Variants in ATXN7L1 observed in about 807,000 individuals in gnomAD.
ATXN7L1 encodes the protein ataxin-7-like protein 1.
A neutral mutation model predicts 70.8 loss-of-function variants in ATXN7L1; 15 were observed. The observed-to-expected ratio is 0.21, with a 90% confidence interval of 0.14 to 0.33. The LOEUF (loss-of-function observed/expected upper bound fraction) is 0.33, where lower values mean the gene tolerates loss of function less well. Ranked by LOEUF, ATXN7L1 falls within the 10% of genes least tolerant of loss-of-function variation. The pLI, the probability that ATXN7L1 is intolerant of heterozygous loss-of-function variation, is 1.00. For synonymous variants in ATXN7L1, 440 were observed against 445.1 expected (o/e 0.99, Z 0.14); for missense variants, 975 against 1,097.1 (o/e 0.89, Z 1.57).
chr7:105,735,130 T>C (rs904837958), intron 3 of ATXN7L1, among the ~76,000 whole-genome samples: 16 of 152,298 alleles, frequency 1.1e-4, no homozygotes, highest in Non-Finnish European at 2.1e-4. Flanking sequence ...CTCGAAGAAA[T>C]CCTTTTTTCC....
At chr7:105,792,587 C>A (rs1006880417) in intron 2 of ATXN7L1, among the ~76,000 whole-genome samples, 1 of 152,208 alleles carries the variant, frequency 6.6e-6, no homozygotes, top group Non-Finnish European at 1.5e-5. Flanking sequence ...TCTAATTTAC[C>A]CCCAAGCAAA....
intron 2 of ATXN7L1, among the ~76,000 whole-genome samples, chr7:105,789,967 T>C (rs1486820019): frequency 2.0e-5 from 3 of 152,104 alleles, no homozygotes; most frequent in Non-Finnish European, 2.9e-5. Flanking sequence ...ACATTATCCA[T>C]CCACTGAAAG....
At chr7:105,657,828 C>A (rs1389794038) in intron 4 of ATXN7L1, among the ~76,000 whole-genome samples, 1 of 148,156 alleles carries the variant, frequency 6.7e-6, no homozygotes, top group Non-Finnish European at 1.5e-5. Context: ...ATACTTGATT[C>A]AGTTATTAGA....
intron 3 of ATXN7L1, among the ~76,000 whole-genome samples, chr7:105,670,162 TAGA>T (rs1803321431): frequency 1.3e-5 from 2 of 152,298 alleles, no homozygotes; most frequent in African/African-American, 4.8e-5. Context: ...AGGTTAGTGA[TAGA>T]AGAAGGCAGG....
chr7:105,655,563 G>A (rs965258197), intron 4 of ATXN7L1, among the ~76,000 whole-genome samples: 11 of 152,010 alleles, frequency 7.2e-5, no homozygotes, highest in African/African-American at 1.2e-4. Context: ...CAGTGTCTGC[G>A]GCTCCTTGGG....
chr7:105,694,836 C>T (rs1202398251), intron 3 of ATXN7L1, among the ~76,000 whole-genome samples: 1 of 152,154 alleles, frequency 6.6e-6, no homozygotes, highest in African/African-American at 2.4e-5. Context: ...ACTAAAAAGG[C>T]CAATGGAGTT....
At chr7:105,861,209 G>T (rs1188007370) in intron 2 of ATXN7L1, among the ~76,000 whole-genome samples, 2 of 152,204 alleles carry the variant, frequency 1.3e-5, no homozygotes, top group Non-Finnish European at 2.9e-5. Flanking sequence ...TGTCCGGATA[G>T]GAAGGGACTG....
chr7:105,690,670 A>G (rs533565868), intron 3 of ATXN7L1, among the ~76,000 whole-genome samples: 51 of 152,336 alleles, frequency 3.3e-4, no homozygotes, highest in African/African-American at 1.2e-3. Context: ...GGGACTCCAC[A>G]TTCATTATGC....
intron 4 of ATXN7L1, among the ~76,000 whole-genome samples, chr7:105,664,575 G>GTATATATATCTATATATATATATATATA (rs1802303433): frequency 7.6e-6 from 1 of 131,988 alleles, no homozygotes; most frequent in South Asian, 2.4e-4. Context: ...GTATGTGTGT[G>GTATATATATCTATATATATATATATATA]TATATATATA....
At chr7:105,791,695 G>A (rs187821775) in intron 2 of ATXN7L1, among the ~76,000 whole-genome samples, 2 of 152,184 alleles carry the variant, frequency 1.3e-5, no homozygotes, top group Admixed American at 6.5e-5. Context: ...TTAACACTTC[G>A]CATCTCATTT....
chr7:105,774,427 C>T (rs1229662870), intron 3 of ATXN7L1, among the ~76,000 whole-genome samples: 1 of 150,758 alleles, frequency 6.6e-6, no homozygotes, highest in Non-Finnish European at 1.5e-5. Flanking sequence ...TCTTGGCTCA[C>T]TGAAACCTCC....
chr7:105,853,318 G>C (rs772375350), intron 2 of ATXN7L1, among the ~76,000 whole-genome samples: 46 of 152,344 alleles, frequency 3.0e-4, no homozygotes, highest in African/African-American at 1.1e-3. Flanking sequence ...GGAGGCCGAG[G>C]CGTGTAGATC....
intron 2 of ATXN7L1, among the ~76,000 whole-genome samples, chr7:105,865,844 C>T (rs7795403): frequency 0.034 from 5,147 of 152,250 alleles, 135 homozygotes; most frequent in African/African-American, 0.067. Flanking sequence ...ACTAACTCTC[C>T]GTTTCCCCTC....
intron 3 of ATXN7L1, among the ~76,000 whole-genome samples, chr7:105,721,711 A>T (rs1210077230): frequency 6.6e-6 from 1 of 152,210 alleles, no homozygotes; most frequent in East Asian, 1.9e-4. Context: ...AGCTTGGAAG[A>T]ATTCCCAGGG....
intron 2 of ATXN7L1, among the ~76,000 whole-genome samples, chr7:105,823,940 C>T (rs1037050484): frequency 8.5e-5 from 13 of 152,072 alleles, no homozygotes; most frequent in African/African-American, 2.9e-4. Flanking sequence ...GCTTGAGAGT[C>T]TGAAGGTTTG....
At chr7:105,753,316 C>T (rs191033005) in intron 3 of ATXN7L1, among the ~76,000 whole-genome samples, 124 of 152,304 alleles carry the variant, frequency 8.1e-4, no homozygotes, top group African/African-American at 2.8e-3. Flanking sequence ...TCAACATCAG[C>T]CCTACCTCCT....
chr7:105,618,181 G>T, intron 9 of ATXN7L1: 1 of 393,970 alleles, frequency 2.5e-6, no homozygotes, highest in Non-Finnish European at 5.1e-6. Flanking sequence ...CCACGTGTCC[G>T]GGATTGACAC....
chr7:105,850,746 T>G (rs189159170), intron 2 of ATXN7L1, among the ~76,000 whole-genome samples: 2 of 152,264 alleles, frequency 1.3e-5, no homozygotes, highest in Admixed American at 6.5e-5. Context: ...TGATCCTCAC[T>G]TGCCTGCAAG....
At chr7:105,680,609 C>G (rs189487825) in intron 3 of ATXN7L1, among the ~76,000 whole-genome samples, 1 of 152,326 alleles carries the variant, frequency 6.6e-6, no homozygotes. Flanking sequence ...GCAGCTTTGG[C>G]TGGAGATTGT....
Sources: allele counts gnomAD v4.1 joint callset (sites outside exome capture counted in the v4.1 genomes callset), GRCh38; gene constraint gnomAD v4.1.1; transcripts MANE v1.5; gene names NCBI Gene and HGNC (gene_info 2026-07-23, HGNC 2026-07-21).